Variants in MAP2K2 observed in about 807,000 individuals in gnomAD.
The protein encoded by MAP2K2 is mitogen-activated protein kinase kinase 2.
MAP2K2 carries 24 observed loss-of-function variants against 43.7 expected under a neutral mutation model. That is an observed-to-expected ratio of 0.55 (90% CI 0.40 to 0.77). The LOEUF is 0.77. Among genes scored for constraint, MAP2K2 ranks in the 30% least tolerant of loss-of-function variants. The probability of loss-of-function intolerance (pLI) is 0.00; values close to 1 mark genes in which losing one functional copy is unlikely to be tolerated. For missense variants in MAP2K2, 470 were observed against 566.8 expected, an observed-to-expected ratio of 0.83 and a Z score of 1.73; for synonymous variants, 244 against 239.7, an observed-to-expected ratio of 1.02 and a Z score of -0.17.
In MAP2K2 at chr19:4,117,644, C is replaced by A. The variant is rs2145081023; in HGVS notation, c.93-15G>T. ...CCAGGTTTGCCCTGCAGAGACCCCCCAGGGTAGGGGTTAGCTACCTAGGGA... is the reference window on the plus strand; with the variant it reads ...CCAGGTTTGCCCTGCAGAGACCCCCAAGGGTAGGGGTTAGCTACCTAGGGA... On this transcript the variant is annotated splice_polypyrimidine_tract_variant and intron_variant, in intron 1 of 10. Coordinates refer to ENST00000262948, the MANE Select transcript of MAP2K2 (RefSeq NM_030662.4). 6.2e-7 allele frequency: 1 copy of A among 1,613,174 alleles called. No homozygotes were observed. The highest frequency in any genetic ancestry group is 1.6e-4 in the Middle Eastern group (1 of 6,062).
At chr19:4,096,225 CG>C (rs969371347) in intron 8 of MAP2K2, among the ~76,000 whole-genome samples, 6 of 152,226 alleles carry the variant, frequency 3.9e-5, no homozygotes, top group African/African-American at 1.4e-4. Flanking sequence ...GGGGAGAGGT[CG>C]GGGGATGTGC....
chr19:4,102,210 A>G (rs151194686), intron 4 of MAP2K2, among the ~76,000 whole-genome samples, 166 bp downstream of exon 4: 19 of 152,282 alleles, frequency 1.2e-4, no homozygotes, highest in African/African-American at 4.3e-4. Flanking sequence ...AAGGGACGTC[A>G]CTTGTTCAAG....
intron 3 of MAP2K2, among the ~76,000 whole-genome samples, chr19:4,105,204 G>GTGTGTGTGTGTGTGTGT (rs1244087024): frequency 1.5e-5 from 2 of 134,680 alleles, no homozygotes; most frequent in African/African-American, 5.4e-5. Context: ...GTGTGTGTGT[G>GTGTGTGTGTGTGTGTGT]ATGTTTAAAA....
Position 4,117,774 on chromosome 19 carries a change from C to A in MAP2K2, c.93-145G>T, listed in dbSNP as rs942924308. 1.0e-5 allele frequency: 8 copies of A among 778,500 alleles called. No individual in the cohort carries two copies. In the Admixed American group the frequency reaches 1.6e-4, roughly 15 times the overall value. The allele number at this position is 778,500 out of a possible 1,614,324, so 48.2% of individuals were successfully genotyped here. Reference sequence around the variant, plus strand: ...GGTTCATGGTGTAGAAGGAAAGGATCCATGCTGTGTACCCCCATAGACACA... The same window carrying A: ...GGTTCATGGTGTAGAAGGAAAGGATACATGCTGTGTACCCCCATAGACACA... On this transcript the variant is annotated intron_variant, in intron 1 of 10. Coordinates refer to ENST00000262948, the MANE Select transcript of MAP2K2 (RefSeq NM_030662.4).
At chr19:4,117,384 C>T (rs2041235390) in intron 2 of MAP2K2, 35 bp downstream of exon 2, 1 of 1,593,452 alleles carries the variant, frequency 6.3e-7, no homozygotes, top group Admixed American at 1.7e-5. Context: ...ACCTTCCCCA[C>T]CACTCCCCGA....
intron 6 of MAP2K2, chr19:4,099,851 C>T: frequency 4.2e-6 from 1 of 240,206 alleles, no homozygotes; most frequent in Non-Finnish European, 8.3e-6. Context: ...GTGGCCCATG[C>T]CTGTAATCCC....
chr19:4,097,404 T>C (rs1358594709), intron 7 of MAP2K2, 61 bp from the exon 8 acceptor site: 3 of 1,351,300 alleles, frequency 2.2e-6, no homozygotes, highest in East Asian at 2.3e-5. Context: ...CTGCTGGGGG[T>C]TGGGCTCCCA....
intron 3 of MAP2K2, chr19:4,103,403 C>G: frequency 3.8e-6 from 1 of 266,390 alleles, no homozygotes; most frequent in Non-Finnish European, 5.8e-6. Context: ...GCAGAGGCTC[C>G]GGACACACCT....
chr19:4,090,738 G>A (rs766293358), intron 10 of MAP2K2, 30 bp from the exon 11 acceptor site: 15 of 1,461,576 alleles, frequency 1.0e-5, no homozygotes, highest in Admixed American at 2.0e-5. Flanking sequence ...GTGAGCACCC[G>A]GGCCTGGAGT....
chr19:4,111,423 G>A (rs531694302), intron 2 of MAP2K2, among the ~76,000 whole-genome samples: 3 of 152,318 alleles, frequency 2.0e-5, no homozygotes, highest in South Asian at 2.1e-4. Context: ...TTTCCCAGGA[G>A]GGAGGCAGGG....
Position 4,099,190 on chromosome 19 carries a change from T to C in MAP2K2, c.919+11A>G, listed in dbSNP as rs572591550. 18 of 1,594,160 alleles carry C rather than the reference T, an allele frequency of 1.1e-5. No individual in the cohort carries two copies. The highest frequency in any genetic ancestry group is 1.5e-5 in the Non-Finnish European group (18 of 1,171,754). ...CGCGTCCAGACCGGAAGTTGCAGAT[T>C]CAGGCCGTACCGCTGACGGGGCGCC... On this transcript the variant is annotated intron_variant, in intron 7 of 10. Coordinates refer to ENST00000262948, the MANE Select transcript of MAP2K2 (RefSeq NM_030662.4).
In MAP2K2 at chr19:4,090,607, G is replaced by A. The variant is rs144850779; in HGVS notation, c.1194C>T (p.Thr398=). 1.9e-4 allele frequency: 297 copies of A among 1,550,870 alleles called. 1 individual carries two copies. Among genetic ancestry groups the A allele is most frequent in the Admixed American group, 3.5e-4 (18 of 51,082 alleles). ...GGGAGCCCGGCCACTGTCACACGGC[G>A]GTGCGCGTGGGTGTGCCGGGCTGGT... is the stretch of plus-strand genomic sequence containing the variant. ...RLNQPGTPTR[T]AV Residue 398 remains threonine, a synonymous_variant, in exon 11 of 11, where the codon ACC becomes ACT. Coordinates refer to ENST00000262948, the MANE Select transcript of MAP2K2 (RefSeq NM_030662.4).
chr19:4,103,056 A>C lies in MAP2K2; in HGVS notation c.451-603T>G, dbSNP rs2041037889. ...CGTCTGCCCTGCGCCTGTCCCTGCC[A>C]CCTAGGGCAGAAAGGCCAGGCCGAG... On this transcript the variant is annotated intron_variant, in intron 3 of 10. Coordinates refer to ENST00000262948, the MANE Select transcript of MAP2K2 (RefSeq NM_030662.4). 4 of 1,024,078 alleles carry C rather than the reference A, an allele frequency of 3.9e-6. No individual in the cohort carries two copies. In the African/African-American group the frequency reaches 6.9e-5, roughly 18 times the overall value. The allele number at this position is 1,024,078 out of a possible 1,614,324, so 63.4% of individuals were successfully genotyped here. A position where few individuals can be genotyped will look rare whatever the true frequency, so the allele number is the denominator to read the frequency against.
rs2145081021 is a variant in MAP2K2 at position 4,117,643 on chromosome 19, C to A, written c.93-14G>T. The A allele has an allele frequency of 6.2e-7, 1 of 1,613,284 alleles. No homozygotes were observed. Among genetic ancestry groups the A allele is most frequent in the Non-Finnish European group, 8.5e-7 (1 of 1,179,632 alleles). ...ACCAGGTTTGCCCTGCAGAGACCCC[C>A]CAGGGTAGGGGTTAGCTACCTAGGG... On this transcript the variant is annotated splice_polypyrimidine_tract_variant and intron_variant, in intron 1 of 10. Coordinates refer to ENST00000262948, the MANE Select transcript of MAP2K2 (RefSeq NM_030662.4).
chr19:4,101,876 G>A lies in MAP2K2; in HGVS notation c.528+500C>T, dbSNP rs1052201195. ...GGACTCGGCCCCTGCTATGGACAAG[G>A]TGCAAGCTCCAAGAAGCAACACGCA... On this transcript the variant is annotated intron_variant, in intron 4 of 10. Transcript: ENST00000262948. The surrounding 1 kb of genome is among the most constrained non-coding windows in gnomAD (Gnocchi z 6.3). 1.3e-5 allele frequency among the ~76,000 whole-genome samples: 2 copies of A among 152,144 alleles called. No individual in the cohort carries two copies. Among genetic ancestry groups the A allele is most frequent in the African/African-American group, 2.4e-5 (1 of 41,430 alleles).
chr19:4,102,466 C>G lies in MAP2K2; in HGVS notation c.451-13G>C, dbSNP rs201880873. The G allele has an allele frequency of 6.3e-7, 1 of 1,585,942 alleles. No homozygotes were observed. Among genetic ancestry groups the G allele is most frequent in the Non-Finnish European group, 8.6e-7 (1 of 1,164,732 alleles). On this transcript the variant is annotated splice_polypyrimidine_tract_variant and intron_variant, in intron 3 of 10. Coordinates refer to ENST00000262948, the MANE Select transcript of MAP2K2 (RefSeq NM_030662.4). ...GGGAGCCGCCGTCCTAGAGGGCACA[C>G]AAGGAGTGAGTGCAGGCTCTGCGCA... is the stretch of plus-strand genomic sequence containing the variant.
intron 1 of MAP2K2, among the ~76,000 whole-genome samples, chr19:4,123,097 C>G (rs979275046): frequency 6.6e-6 from 1 of 151,766 alleles, no homozygotes; most frequent in Non-Finnish European, 1.5e-5. Context: ...CTACGGCAAC[C>G]TTTACTCCGT....
chr19:4,092,716 C>T (rs1287477482), intron 10 of MAP2K2, among the ~76,000 whole-genome samples: 1 of 152,134 alleles, frequency 6.6e-6, no homozygotes, highest in Admixed American at 6.6e-5. Flanking sequence ...GAGCCATCCC[C>T]CTATGGCACT....
chr19:4,106,888 G>A (rs951637969), intron 3 of MAP2K2, among the ~76,000 whole-genome samples: 4 of 152,132 alleles, frequency 2.6e-5, no homozygotes, highest in South Asian at 2.1e-4. Context: ...AGAACAAGAC[G>A]GGCATTCTTC....
Sources: allele counts gnomAD v4.1 joint callset (sites outside exome capture counted in the v4.1 genomes callset), GRCh38; gene constraint gnomAD v4.1.1; non-coding constraint Gnocchi (gnomAD v3.1); transcripts MANE v1.5; gene names NCBI Gene and HGNC (gene_info 2026-07-23, HGNC 2026-07-21).